Variants in PRDM15 observed in about 807,000 individuals in gnomAD.
PRDM15 encodes the protein PR domain zinc finger protein 15.
Under a neutral mutation model 128.6 loss-of-function variants are expected in PRDM15, and 64 were observed. That is an observed-to-expected ratio of 0.50 (90% CI 0.41 to 0.61). PRDM15 has a LOEUF of 0.61. PRDM15 is among the 20% of genes least tolerant of loss of function. The probability of loss-of-function intolerance (pLI) is 0.00; values close to 1 mark genes in which losing one functional copy is unlikely to be tolerated. For missense variants in PRDM15, 1,242 were observed against 1,569.1 expected (o/e 0.79, Z 3.52); for synonymous variants, 615 against 621.8 (o/e 0.99, Z 0.16).
chr21:41,804,555 G>A lies in PRDM15; in HGVS notation c.2712C>T (p.Ala904=), dbSNP rs544290739. The part of the protein sequence containing the change: ...DHLPETTTID[A]SSIGIVQPEL... ...TCACCTGGACGATGCCAATGGAGGAGGCGTCGATGGTGGTGGTCTCCGGGA... is the reference window on the plus strand; with the variant it reads ...TCACCTGGACGATGCCAATGGAGGAAGCGTCGATGGTGGTGGTCTCCGGGA... Residue 904 remains alanine, a synonymous_variant, in exon 22 of 24, where the codon GCC becomes GCT. Coordinates refer to ENST00000398548, the MANE Select transcript of PRDM15 (RefSeq NM_001040424.3). 4 of 1,569,836 alleles carry A rather than the reference G, an allele frequency of 2.5e-6. No homozygotes were observed. The African/African-American group carries it at 4.0e-5, about 16-fold the overall frequency.
chr21:41,857,236 G>T lies in PRDM15; in HGVS notation c.225C>A (p.Phe75Leu). ...CGACCCTCCTGGACTCAAAGGGACC[G>T]AACTGTGTCCGCTTGACGAGCTGAG... ...AITQLVKRTQ[F>L]GPFESRRVAK... The change falls in exon 4 of 24, where the codon TTC (phenylalanine) becomes TTA (leucine). Residue 75 changes from phenylalanine to leucine, a missense_variant. Transcript: ENST00000398548. The T allele has an allele frequency of 6.2e-7, 1 of 1,613,822 alleles. No homozygotes were observed. The highest frequency in any genetic ancestry group is 8.5e-7 in the Non-Finnish European group (1 of 1,179,946).
chr21:41,815,834 T>A lies in PRDM15; in HGVS notation c.2263A>T (p.Met755Leu), dbSNP rs1375453790. The change falls in exon 19 of 24, where the codon ATG becomes TTG. Residue 755 changes from methionine to leucine, a missense_variant and splice_region_variant. By Grantham distance (15) the Met-to-Leu change is conservative. Transcript: ENST00000398548. The part of the protein sequence containing the change: ...EYLCAECGKG[M>L]KTKHALRHHM... ...TGGCGCAGCGCGTGCTTGGTCTTCATGCCTTCAAGGACACAGCGAGTCAGA... is the reference window on the plus strand; with the variant it reads ...TGGCGCAGCGCGTGCTTGGTCTTCAAGCCTTCAAGGACACAGCGAGTCAGA... 3 of 1,613,250 alleles carry A rather than the reference T, an allele frequency of 1.9e-6. No homozygotes were observed. Among genetic ancestry groups the A allele is most frequent in the African/African-American group, 1.3e-5 (1 of 74,942 alleles).
chr21:41,818,330 G>A (rs986204733), intron 18 of PRDM15, among the ~76,000 whole-genome samples: 3 of 152,306 alleles, frequency 2.0e-5, no homozygotes, highest in East Asian at 1.9e-4. Context: ...CTGACATTCC[G>A]TTCAGAGAAA....
intron 3 of PRDM15, among the ~76,000 whole-genome samples, chr21:41,858,853 C>T (rs529209827): frequency 1.3e-5 from 2 of 152,274 alleles, no homozygotes; most frequent in African/African-American, 2.4e-5. Flanking sequence ...AATAAATGAA[C>T]GGTGTTGTGG....
rs765870250 is a variant in PRDM15 at position 41,819,574 on chromosome 21, G to A, written c.2260+8C>T. 43 of 1,544,202 alleles carry A rather than the reference G, an allele frequency of 2.8e-5. No individual in the cohort carries two copies. The highest frequency in any genetic ancestry group is 8.3e-5 in the African/African-American group (6 of 71,948). On this transcript the variant is annotated splice_region_variant and intron_variant, in intron 18 of 23. Coordinates refer to ENST00000398548, the MANE Select transcript of PRDM15 (RefSeq NM_001040424.3). ...AGCCTGGCCCATGTCCCCAGCACCC[G>A]TACCCACCTTTCCCACACTCGGCAC... is the stretch of plus-strand genomic sequence containing the variant.
intron 1 of PRDM15, chr21:41,878,680 GGGA>G: frequency 6.5e-7 from 1 of 1,529,152 alleles, no homozygotes; most frequent in Non-Finnish European, 8.8e-7. Flanking sequence ...CAGGGGGTCT[GGGA>G]GACCCCATCA....
chr21:41,828,387 G>A lies in PRDM15; in HGVS notation c.1367-54C>T, dbSNP rs770695287. The A allele has an allele frequency of 6.2e-4, 990 of 1,589,458 alleles. 1 individual carries two copies. Among genetic ancestry groups the A allele is most frequent in the Non-Finnish European group, 7.9e-4 (921 of 1,160,852 alleles). On this transcript the variant is annotated intron_variant, in intron 11 of 23. Transcript: ENST00000398548. This position sits in a 1 kb window ranked among gnomAD's most constrained non-coding sequence, Gnocchi z 5.7. ...GATTTTGAGGTAAATAACATCTCAC[G>A]CAGGCACGCACGTGTGGCCTGAACG... is the stretch of plus-strand genomic sequence containing the variant.
intron 12 of PRDM15, among the ~76,000 whole-genome samples, chr21:41,826,427 A>C (rs2062474052): frequency 6.6e-6 from 1 of 152,232 alleles, no homozygotes; most frequent in South Asian, 2.1e-4. Context: ...GCTCAAAGCC[A>C]AGTTATGATT....
rs897156427 is a variant in PRDM15 at position 41,799,421 on chromosome 21, A to G, written c.*1819T>C. 9.9e-5 allele frequency: 15 copies of G among 152,230 alleles called. No individual in the cohort carries two copies. The highest frequency in any genetic ancestry group is 8.5e-4 in the Admixed American group (13 of 15,284). 9.4% of individuals were successfully genotyped at this position (152,230 alleles called of 1,614,324 possible). The stretch of plus-strand genomic sequence containing the variant: ...ATAAAACAGTTAATTATATACATAA[A>G]TAACATAAAATAATTCTCATAAATT... On this transcript the variant is annotated 3_prime_UTR_variant, in exon 24 of 24. Transcript: ENST00000398548.
Position 41,839,606 on chromosome 21 carries a change from C to A in PRDM15, c.871+17G>T. 6.2e-7 allele frequency: 1 copy of A among 1,611,110 alleles called. No homozygotes were observed. The highest frequency in any genetic ancestry group is 8.5e-7 in the Non-Finnish European group (1 of 1,177,294). On this transcript the variant is annotated intron_variant, in intron 7 of 23. Coordinates refer to ENST00000398548, the MANE Select transcript of PRDM15 (RefSeq NM_001040424.3). ...TGCGCCCCACGCAGGCACTCATCCC[C>A]GGGACCCGCTCATCACCTGTGGGTT... is the stretch of plus-strand genomic sequence containing the variant.
chr21:41,822,534 G>A (rs749350258), intron 14 of PRDM15, among the ~76,000 whole-genome samples: 32 of 152,242 alleles, frequency 2.1e-4, no homozygotes, highest in Non-Finnish European at 4.4e-4. Flanking sequence ...CCTGGCAGTT[G>A]GGCCACAGGA....
intron 19 of PRDM15, chr21:41,812,696 C>T (rs2061903755): frequency 1.3e-5 from 2 of 152,232 alleles, no homozygotes; most frequent in Admixed American, 1.3e-4. Flanking sequence ...GAGGACATTC[C>T]TCAGAAGCTA....
At position 41,821,293 on chromosome 21, in the gene PRDM15, A is replaced by G. The variant is rs1040539469; in HGVS notation, c.1897-63T>C. 2 of 1,595,000 alleles carry G rather than the reference A, an allele frequency of 1.3e-6. No homozygotes were observed. Among genetic ancestry groups the G allele is most frequent in the African/African-American group, 2.7e-5 (2 of 74,472 alleles). Reference sequence around the variant, plus strand: ...ATGAGGTCCCTGGTCCTCTTAGCTAATGAGGTCGTGTCCACAAACCAGGGC... The same window carrying G: ...ATGAGGTCCCTGGTCCTCTTAGCTAGTGAGGTCGTGTCCACAAACCAGGGC... On this transcript the variant is annotated intron_variant, in intron 15 of 23. Transcript: ENST00000398548. The surrounding 1 kb of genome is among the most constrained non-coding windows in gnomAD (Gnocchi z 5.4).
Position 41,874,521 on chromosome 21 carries a change from A to ATT in PRDM15, c.-10+4748_-10+4749insAA, listed in dbSNP as rs1336105383. Among the ~76,000 whole-genome samples, 311 of 47,908 alleles carry ATT rather than the reference A, an allele frequency of 6.5e-3. 1 individual carries two copies. Among genetic ancestry groups the ATT allele is most frequent in the Middle Eastern group, 0.022 (1 of 46 alleles). The allele number at this position is 47,908 out of a possible 152,430, so 31.4% of individuals were successfully genotyped here. A position where few individuals can be genotyped will look rare whatever the true frequency, so the allele number is the denominator to read the frequency against. On this transcript the variant is annotated intron_variant, in intron 1 of 23. Coordinates refer to ENST00000398548, the MANE Select transcript of PRDM15 (RefSeq NM_001040424.3). ...AGCATGCATATATATATATATATAT[A>ATT]TATATTTTTTTTTTTTTTTGAAACT...
intron 8 of PRDM15, 125 bp downstream of exon 8, chr21:41,837,809 C>A: frequency 1.1e-6 from 1 of 911,686 alleles, no homozygotes; most frequent in Non-Finnish European, 1.7e-6. Flanking sequence ...GCCTCCTCAG[C>A]AGGTCTGTTT....
chr21:41,857,967 T>G lies in PRDM15; in HGVS notation c.132-638A>C, dbSNP rs539366557. Among the ~76,000 whole-genome samples, 393 of 151,902 alleles carry G rather than the reference T, an allele frequency of 2.6e-3. 4 individuals are homozygous for G. The highest frequency in any genetic ancestry group is 9.2e-3 in the African/African-American group (380 of 41,418). ...ACTGAAGGATGGGTTTAATTCCCCG[T>G]GGGAAAGACAGTGCCAACAGGTGCA... On this transcript the variant is annotated intron_variant, in intron 3 of 23. Transcript: ENST00000398548.
At chr21:41,871,712 T>A in intron 1 of PRDM15, 3 of 1,399,078 alleles carry the variant, frequency 2.1e-6, no homozygotes, top group Non-Finnish European at 2.9e-6. Flanking sequence ...CTAACAGTGG[T>A]CCTCTGTTGT....
In PRDM15 at chr21:41,854,682, T is replaced by C; in HGVS notation, c.422A>G (p.Tyr141Cys). Residue 141 changes from tyrosine (Y) to cysteine (C), a missense_variant, in exon 5 of 24, where the codon TAC becomes TGC. Tyr to Cys is a radical substitution (Grantham distance 194). Around this residue, in one of 3 missense-constraint regions of PRDM15, gnomAD observed 612 missense variants for 717.0 expected, o/e 0.85. Transcript: ENST00000398548. This position sits in a 1 kb window ranked among gnomAD's most constrained non-coding sequence, Gnocchi z 4.6. ...GGGGATGTCTCTGGAGGTGGTGAAG[T>C]ACACGTCGCTGCCGTGCTGGTAGGC... ...LTAYQHGSDVYFTTSRDIPPG... is the reference protein window; with the variant it reads ...LTAYQHGSDVCFTTSRDIPPG... The C allele has an allele frequency of 6.2e-7, 1 of 1,613,698 alleles. No individual in the cohort carries two copies. The highest frequency in any genetic ancestry group is 8.5e-7 in the Non-Finnish European group (1 of 1,179,998).
intron 1 of PRDM15, among the ~76,000 whole-genome samples, chr21:41,878,161 A>G (rs2064487892): frequency 6.6e-6 from 1 of 152,172 alleles, no homozygotes; most frequent in African/African-American, 2.4e-5. Context: ...ACATGTCACC[A>G]CCCTTCAGGA....
Sources: allele counts gnomAD v4.1 joint callset (sites outside exome capture counted in the v4.1 genomes callset), GRCh38; gene constraint gnomAD v4.1.1; regional missense constraint gnomAD v4.1.1; non-coding constraint Gnocchi (gnomAD v3.1); transcripts MANE v1.5; gene names NCBI Gene and HGNC (gene_info 2026-07-23, HGNC 2026-07-21).